The following NRF1 variants were observed in gnomAD, a reference collection of about 807,000 sequenced individuals.
The protein encoded by NRF1 is alpha palindromic-binding protein.
In NRF1, 5 loss-of-function variants were observed where a neutral mutation model predicts 58.5. The ratio of observed to expected loss-of-function variants is 0.09; its 90% confidence interval spans 0.04 to 0.18. The LOEUF (loss-of-function observed/expected upper bound fraction) is 0.18, where lower values mean the gene tolerates loss of function less well. Among genes scored for constraint, NRF1 ranks in the 10% least tolerant of loss-of-function variants. The pLI, the probability that NRF1 is intolerant of heterozygous loss-of-function variation, is 1.00. For synonymous variants in NRF1, 224 were observed against 246.7 expected (o/e 0.91, Z 0.86); for missense variants, 288 against 657.7 (o/e 0.44, Z 6.15).
At chr7:129,630,876 A>G (rs983764271) in intron 1 of NRF1, among the ~76,000 whole-genome samples, 1 of 152,220 alleles carries the variant, frequency 6.6e-6, no homozygotes, top group Non-Finnish European at 1.5e-5. Flanking sequence ...AAATACCTGG[A>G]ATATTTAAAC....
chr7:129,623,069 T>C (rs1006591914), intron 1 of NRF1, among the ~76,000 whole-genome samples: 4 of 152,362 alleles, frequency 2.6e-5, no homozygotes, highest in Admixed American at 6.5e-5. Flanking sequence ...TTTATGGTCT[T>C]GCTGAGGTAA....
chr7:129,701,179 A>T (rs1802816515), intron 5 of NRF1, among the ~76,000 whole-genome samples: 2 of 152,338 alleles, frequency 1.3e-5, no homozygotes, highest in South Asian at 4.1e-4. Context: ...AAATAAGCAA[A>T]CATTATAAGC....
chr7:129,640,551 C>A lies in NRF1; in HGVS notation c.-6-16795C>A, dbSNP rs573851567. Among the ~76,000 whole-genome samples, 12 of 152,010 alleles carry A rather than the reference C, an allele frequency of 7.9e-5. No homozygotes were observed. In the East Asian group the frequency reaches 2.1e-3, roughly 27 times the overall value. ...AAATTTACCGTACCCCCAGTAAAACCCAAATTTTGGCTTGAAGATTAATTA... is the reference window on the plus strand; with the variant it reads ...AAATTTACCGTACCCCCAGTAAAACACAAATTTTGGCTTGAAGATTAATTA... On this transcript the variant is annotated intron_variant, in intron 1 of 10. Coordinates refer to ENST00000393232, the MANE Select transcript of NRF1 (RefSeq NM_005011.5).
chr7:129,756,084 G>GT lies in NRF1; in HGVS notation c.*904dup, dbSNP rs1358011162. ...TTAGGGGTTTGAGGAGTGCGTGCGT[G>GT]TAAGTGTGCTTGTGTGTGTGCGTGC... On this transcript the variant is annotated 3_prime_UTR_variant, in exon 11 of 11. Transcript: ENST00000393232. 5 of 152,744 alleles carry GT rather than the reference G, an allele frequency of 3.3e-5. No homozygotes were observed. The highest frequency in any genetic ancestry group is 1.2e-4 in the African/African-American group (5 of 41,352). 9.5% of individuals were successfully genotyped at this position (152,744 alleles called of 1,614,324 possible).
At chr7:129,705,056 A>G (rs978522247) in intron 5 of NRF1, among the ~76,000 whole-genome samples, 4 of 152,328 alleles carry the variant, frequency 2.6e-5, no homozygotes, top group Admixed American at 6.5e-5. Flanking sequence ...GTGCACCTAA[A>G]TTTTATAACA....
intron 1 of NRF1, among the ~76,000 whole-genome samples, chr7:129,622,487 A>G (rs909725402): frequency 2.6e-5 from 4 of 152,220 alleles, no homozygotes; most frequent in East Asian, 1.9e-4. Context: ...TCATTGTAGA[A>G]AAACAGAAGA....
At chr7:129,736,569 G>A (rs1803718074) in intron 10 of NRF1, among the ~76,000 whole-genome samples, 1 of 151,958 alleles carries the variant, frequency 6.6e-6, no homozygotes, top group East Asian at 1.9e-4. Context: ...TCTTAACCTG[G>A]GGTCTATGGA....
chr7:129,675,739 C>G (rs1802162222), intron 3 of NRF1, among the ~76,000 whole-genome samples: 1 of 152,192 alleles, frequency 6.6e-6, no homozygotes, highest in South Asian at 2.1e-4. Context: ...AACAGATGTA[C>G]TGCCATCCAG....
chr7:129,657,607 A>ATTTTTT (rs11446444), intron 2 of NRF1, 33 bp downstream of exon 2: 24 of 1,000,454 alleles, frequency 2.4e-5, no homozygotes, highest in Non-Finnish European at 3.2e-5. Flanking sequence ...CTCTTCTTTA[A>ATTTTTT]TTTTTTTTTT....
Position 129,717,269 on chromosome 7 carries a change from G to A in NRF1, c.1116G>A (p.Thr372=), listed in dbSNP as rs771354813. The A allele has an allele frequency of 3.2e-5, 52 of 1,613,722 alleles. 1 individual carries two copies. The East Asian group carries it at 9.1e-4, about 28-fold the overall frequency. ...AGGGAGGTGAGATGACCATCCAGAC[G>A]ACGCAAGCATCAGAGGCCACCCAGG... ...TLQGGEMTIQ[T]TQASEATQAV... Residue 372 remains threonine (T), a synonymous_variant, in exon 9 of 11, where the codon ACG becomes ACA. Transcript: ENST00000393232.
At chr7:129,707,900 T>A (rs1330184856) in intron 5 of NRF1, among the ~76,000 whole-genome samples, 5 of 152,310 alleles carry the variant, frequency 3.3e-5, no homozygotes, top group African/African-American at 1.2e-4. Flanking sequence ...TAAAATAATA[T>A]CTAATATTTA....
intron 1 of NRF1, among the ~76,000 whole-genome samples, chr7:129,626,173 A>G (rs1800915177): frequency 6.6e-6 from 1 of 152,152 alleles, no homozygotes. Context: ...TTGATTTGTG[A>G]AGATATAAGG....
intron 10 of NRF1, 70 bp from the exon 11 acceptor site, chr7:129,754,948 G>A: frequency 6.9e-7 from 1 of 1,439,460 alleles, no homozygotes. Context: ...AGACTTGGGT[G>A]CCCCCGTCCA....
rs111364957 is a variant in NRF1 at position 129,756,780 on chromosome 7, A to G, written c.*1599A>G. On this transcript the variant is annotated 3_prime_UTR_variant, in exon 11 of 11. Transcript: ENST00000393232. ...TTGCTTGTTTTATATAAAACTATCT[A>G]ATGTTCTTTATATGTTCTTTTCTGT... 11 of 152,400 alleles carry G rather than the reference A, an allele frequency of 7.2e-5. No individual in the cohort carries two copies. Among genetic ancestry groups the G allele is most frequent in the African/African-American group, 2.2e-4 (9 of 41,348 alleles). The allele number at this position is 152,400 out of a possible 1,614,324, so 9.4% of individuals were successfully genotyped here. A position where few individuals can be genotyped will look rare whatever the true frequency, so the allele number is the denominator to read the frequency against.
chr7:129,674,677 C>T (rs1023600113), intron 3 of NRF1, among the ~76,000 whole-genome samples: 7 of 152,150 alleles, frequency 4.6e-5, no homozygotes, highest in African/African-American at 1.4e-4. Context: ...TCAAGCAATC[C>T]TCCCACCTCA....
At chr7:129,734,891 G>A (rs1803670075) in intron 10 of NRF1, among the ~76,000 whole-genome samples, 1 of 152,188 alleles carries the variant, frequency 6.6e-6, no homozygotes, top group South Asian at 2.1e-4. Context: ...CCTTCCTGCT[G>A]CCCTTCAGTT....
chr7:129,757,006 G>A lies in NRF1; in HGVS notation c.*1825G>A, dbSNP rs1207716099. On this transcript the variant is annotated 3_prime_UTR_variant, in exon 11 of 11. Transcript: ENST00000393232. ...AAAAAAGCAAAACCCCAGTAGCAGA[G>A]CATGGATTCTGTGTTGTTTCCCATT... The A allele has an allele frequency of 6.6e-6, 1 of 152,614 alleles. No homozygotes were observed. Among genetic ancestry groups the A allele is most frequent in the Non-Finnish European group, 1.5e-5 (1 of 68,038 alleles). 9.5% of individuals were successfully genotyped at this position (152,614 alleles called of 1,614,324 possible).
At chr7:129,720,507 C>G (rs1443708946) in intron 9 of NRF1, among the ~76,000 whole-genome samples, 1 of 152,172 alleles carries the variant, frequency 6.6e-6, no homozygotes, top group Non-Finnish European at 1.5e-5. Context: ...GTTTCATAAT[C>G]TGCCCTCTTG....
intron 1 of NRF1, among the ~76,000 whole-genome samples, chr7:129,643,932 C>T (rs1385771856): frequency 6.6e-6 from 1 of 152,210 alleles, no homozygotes; most frequent in Non-Finnish European, 1.5e-5. Flanking sequence ...AATCTGCTGT[C>T]TGCGCGTTCA....
Sources: allele counts gnomAD v4.1 joint callset (sites outside exome capture counted in the v4.1 genomes callset), GRCh38; gene constraint gnomAD v4.1.1; transcripts MANE v1.5; gene names NCBI Gene and HGNC (gene_info 2026-07-23, HGNC 2026-07-21).